JADE1: variants seen among roughly 807,000 people sequenced by gnomAD.
JADE1 encodes jade family PHD finger 1.
Under a neutral mutation model 81.8 loss-of-function variants are expected in JADE1, and 14 were observed. That is an observed-to-expected ratio of 0.17 (90% confidence interval 0.11 to 0.27). The LOEUF (loss-of-function observed/expected upper bound fraction) is 0.27, where lower values mean the gene tolerates loss of function less well. Ranked by LOEUF, JADE1 falls within the 10% of genes least tolerant of loss-of-function variation. JADE1 has a pLI of 1.00. For missense variants in JADE1, 690 were observed against 1,047.9 expected (o/e 0.66, Z 4.71); for synonymous variants, 353 against 391.9 (o/e 0.90, Z 1.17).
chr4:128,825,801 A>G (rs1728011164), intron 1 of JADE1, among the ~76,000 whole-genome samples: 1 of 152,226 alleles, frequency 6.6e-6, no homozygotes, highest in Non-Finnish European at 1.5e-5. Flanking sequence ...GAAGGGATCC[A>G]AGGAGAGAGT....
At chr4:128,859,457 GCGTGAGTATGCA>G (rs1731113452) in intron 8 of JADE1, among the ~76,000 whole-genome samples, 1 of 152,208 alleles carries the variant, frequency 6.6e-6, no homozygotes, top group South Asian at 2.1e-4. Flanking sequence ...GCGCGTGAGT[GCGTGAGTATGCA>G]CATGAGTATG....
chr4:128,848,917 T>G, intron 4 of JADE1, 63 bp from the exon 5 acceptor site: 1 of 1,544,962 alleles, frequency 6.5e-7, no homozygotes, highest in African/African-American at 1.4e-5. Flanking sequence ...TGGGGCCTTG[T>G]GGCACACTTC....
intron 2 of JADE1, among the ~76,000 whole-genome samples, chr4:128,839,497 C>T (rs889175980): frequency 1.3e-5 from 2 of 152,158 alleles, no homozygotes; most frequent in Non-Finnish European, 2.9e-5. Context: ...AAATTGTGTA[C>T]TTTGATACGT....
At chr4:128,828,177 C>T (rs902276801) in intron 1 of JADE1, among the ~76,000 whole-genome samples, 13 of 152,118 alleles carry the variant, frequency 8.5e-5, no homozygotes, top group Admixed American at 5.2e-4. Flanking sequence ...AAATGTTTGT[C>T]GGCTGCATTA....
intron 3 of JADE1, among the ~76,000 whole-genome samples, chr4:128,845,304 C>A (rs1729773739): frequency 6.6e-6 from 1 of 152,098 alleles, no homozygotes; most frequent in East Asian, 1.9e-4. Flanking sequence ...TGGTTTCCTT[C>A]ATTTGGCCTG....
chr4:128,818,360 A>G (rs1268814815), intron 1 of JADE1, among the ~76,000 whole-genome samples: 9 of 152,084 alleles, frequency 5.9e-5, no homozygotes, highest in Non-Finnish European at 1.3e-4. Flanking sequence ...ACCTCAGGTG[A>G]TGCACCCGCC....
intron 1 of JADE1, among the ~76,000 whole-genome samples, chr4:128,814,989 T>C (rs534349664): frequency 3.9e-5 from 6 of 152,154 alleles, no homozygotes; most frequent in Admixed American, 2.0e-4. Context: ...AACCACTGCC[T>C]AATAAAGGAC....
intron 5 of JADE1, among the ~76,000 whole-genome samples, chr4:128,849,981 A>C (rs1365651755): frequency 2.0e-5 from 3 of 152,088 alleles, no homozygotes; most frequent in Non-Finnish European, 4.4e-5. Context: ...CATGTATTGT[A>C]ATCTAGGACA....
In JADE1 at chr4:128,862,379, G is replaced by C. The variant is rs1457124993; in HGVS notation, c.1503+154G>C. On this transcript the variant is annotated intron_variant, in intron 9 of 10. Coordinates refer to ENST00000226319, the MANE Select transcript of JADE1 (RefSeq NM_199320.4). ...TTGTGTTGGTTAAAAATATTTATGG[G>C]CTGGTAAACTCATTGTACATATGTG... The C allele has an allele frequency of 2.8e-5, 41 of 1,447,856 alleles. No homozygotes were observed. In the East Asian group the frequency reaches 1.0e-3, roughly 36 times the overall value. 89.7% of individuals were successfully genotyped at this position (1,447,856 alleles called of 1,614,324 possible). A position where few individuals can be genotyped will look rare whatever the true frequency, so the allele number is the denominator to read the frequency against.
At chr4:128,829,745 G>T (rs1374509901) in intron 1 of JADE1, among the ~76,000 whole-genome samples, 1 of 152,212 alleles carries the variant, frequency 6.6e-6, no homozygotes, top group East Asian at 1.9e-4. Context: ...TTAACAGAGG[G>T]TGATAAATTG....
Position 128,872,455 on chromosome 4 carries a change from T to C in JADE1, c.*193T>C. 1 of 580,552 alleles carries C rather than the reference T, an allele frequency of 1.7e-6. No individual in the cohort carries two copies. The highest frequency in any genetic ancestry group is 3.0e-6 in the Non-Finnish European group (1 of 330,442). The allele number at this position is 580,552 out of a possible 1,614,324, so 36.0% of individuals were successfully genotyped here. ...AGAAGTTTGTGTTATTTGCAACTTG[T>C]TGAGGAAACAGAAGAGTAGATTGTA... On this transcript the variant is annotated 3_prime_UTR_variant, in exon 11 of 11. Coordinates refer to ENST00000226319, the MANE Select transcript of JADE1 (RefSeq NM_199320.4).
At chr4:128,811,545 T>C (rs1428099507) in intron 1 of JADE1, 6 of 144,666 alleles carry the variant, frequency 4.1e-5, no homozygotes, top group Non-Finnish European at 9.0e-5. Context: ...GGCGGCCCAG[T>C]GTGGAAATGG....
At chr4:128,819,583 A>T (rs1727370568) in intron 1 of JADE1, among the ~76,000 whole-genome samples, 1 of 152,176 alleles carries the variant, frequency 6.6e-6, no homozygotes, top group Non-Finnish European at 1.5e-5. Context: ...ATCAGAAGTT[A>T]ATGCCTACCA....
chr4:128,845,537 C>G (rs904819173), intron 3 of JADE1, among the ~76,000 whole-genome samples: 2 of 152,184 alleles, frequency 1.3e-5, no homozygotes, highest in African/African-American at 4.8e-5. Flanking sequence ...TAGGCCAGCC[C>G]AGACCTTGAC....
intron 5 of JADE1, among the ~76,000 whole-genome samples, chr4:128,851,200 A>G (rs776897865): frequency 1.3e-5 from 2 of 152,246 alleles, no homozygotes; most frequent in South Asian, 4.1e-4. Context: ...GATTATAGGC[A>G]TGAGCCATCG....
chr4:128,863,859 C>T lies in JADE1; in HGVS notation c.1503+1634C>T, dbSNP rs1358553756. The T allele has an allele frequency of 8.1e-6, 8 of 985,430 alleles. No homozygotes were observed. In the Admixed American group the frequency reaches 4.3e-4, roughly 53 times the overall value. 61.0% of individuals were successfully genotyped at this position (985,430 alleles called of 1,614,324 possible). ...CAGATAGTTGTTGGGAGGGGGAGGA[C>T]AAGAAGTCTATTGTTTGGACTGTGT... On this transcript the variant is annotated intron_variant, in intron 9 of 10. Coordinates refer to ENST00000226319, the MANE Select transcript of JADE1 (RefSeq NM_199320.4).
intron 2 of JADE1, among the ~76,000 whole-genome samples, chr4:128,835,531 T>A (rs17013766): frequency 0.038 from 5,752 of 152,270 alleles, 304 homozygotes; most frequent in African/African-American, 0.12. Context: ...CTGTCCCTGC[T>A]TTCAGGTCCA....
chr4:128,862,344 C>T (rs1235706476), intron 9 of JADE1, 119 bp downstream of exon 9: 1 of 1,491,166 alleles, frequency 6.7e-7, no homozygotes, highest in Middle Eastern at 2.0e-4. Context: ...GTACACACCA[C>T]AGCATGAGGT....
chr4:128,842,360 C>T (rs547999318), intron 2 of JADE1, among the ~76,000 whole-genome samples: 12 of 150,882 alleles, frequency 8.0e-5, no homozygotes, highest in East Asian at 2.0e-4. Context: ...AGTGCAGTGA[C>T]GCAGTCTCGG....
Sources: gnomAD v4.1 joint callset for allele counts (sites outside exome capture counted in the v4.1 genomes callset) on GRCh38, gnomAD v4.1.1 for gene constraint, MANE v1.5 for transcripts, NCBI Gene and HGNC (gene_info 2026-07-23, HGNC 2026-07-21) for gene names.